The following SOX5 variants were observed in gnomAD, a reference collection of about 807,000 sequenced individuals.
The protein encoded by SOX5 is SRY-box transcription factor 5, also known as transcription factor SOX-5.
In SOX5, 9 loss-of-function variants were observed where a neutral mutation model predicts 92.0. The observed-to-expected ratio is 0.10, with a 90% CI of 0.06 to 0.17. The LOEUF (loss-of-function observed/expected upper bound fraction) is 0.17, where lower values mean the gene tolerates loss of function less well. SOX5 is among the 10% of genes least tolerant of loss of function. The pLI, the probability that SOX5 is intolerant of heterozygous loss-of-function variation, is 1.00. For missense variants in SOX5, 642 were observed against 944.5 expected, an observed-to-expected ratio of 0.68 and a Z score of 4.20; for synonymous variants, 344 against 336.3, an observed-to-expected ratio of 1.02 and a Z score of -0.25.
intron 3 of SOX5, among the ~76,000 whole-genome samples, chr12:23,845,220 A>G (rs772561678): frequency 1.7e-4 from 26 of 152,204 alleles, no homozygotes; most frequent in Non-Finnish European, 2.8e-4. Context: ...TCTGATTGAA[A>G]CAGGAGGCAT....
chr12:23,669,520 G>T (rs2084393663), intron 6 of SOX5, among the ~76,000 whole-genome samples: 1 of 151,934 alleles, frequency 6.6e-6, no homozygotes, highest in South Asian at 2.1e-4. Flanking sequence ...ATTAAATTAG[G>T]GTCAGTGGAA....
At chr12:24,103,123 T>C (rs1360339859) in intron 4 of SOX5, among the ~76,000 whole-genome samples, 1 of 152,172 alleles carries the variant, frequency 6.6e-6, no homozygotes, top group East Asian at 1.9e-4. Context: ...TATTGCAAAG[T>C]TCAAATTGCA....
At chr12:24,093,594 A>G (rs1044526157) in intron 4 of SOX5, among the ~76,000 whole-genome samples, 5 of 151,758 alleles carry the variant, frequency 3.3e-5, no homozygotes, top group African/African-American at 9.7e-5. Context: ...AAGTTTCATC[A>G]TATCAAAGAA....
intron 11 of SOX5, among the ~76,000 whole-genome samples, chr12:23,561,934 G>C (rs145917855): frequency 6.6e-6 from 1 of 152,272 alleles, no homozygotes; most frequent in Non-Finnish European, 1.5e-5. Flanking sequence ...GGAATAGCTT[G>C]AGTCACTTTG....
At chr12:23,603,678 C>T (rs76875605) in intron 9 of SOX5, among the ~76,000 whole-genome samples, 15,794 of 151,558 alleles carry the variant, frequency 0.1, 900 homozygotes, top group Non-Finnish European at 0.13. Flanking sequence ...TTCTCTCCTT[C>T]TAGGCCAAGA....
intron 4 of SOX5, among the ~76,000 whole-genome samples, chr12:24,010,583 AATTGCC>A (rs1952798980): frequency 6.6e-6 from 1 of 152,164 alleles, no homozygotes; most frequent in Admixed American, 6.5e-5. Flanking sequence ...CTTATTAAAA[AATTGCC>A]ATTGCTACCA....
At chr12:23,728,947 T>TA (rs1453608103) in intron 6 of SOX5, among the ~76,000 whole-genome samples, 2 of 152,090 alleles carry the variant, frequency 1.3e-5, no homozygotes, top group African/African-American at 4.8e-5. Context: ...AAAGCCTTTC[T>TA]AAAAACCTCT....
intron 14 of SOX5, 86 bp from the exon 15 acceptor site, chr12:23,534,608 A>G: frequency 1.9e-6 from 2 of 1,068,262 alleles, no homozygotes; most frequent in Non-Finnish European, 2.7e-6. Flanking sequence ...TTTGCTCAGC[A>G]ATGTCCAATT....
At chr12:24,353,428 T>C (rs1301208605) in intron 2 of SOX5, among the ~76,000 whole-genome samples, 1 of 152,186 alleles carries the variant, frequency 6.6e-6, no homozygotes, top group African/African-American at 2.4e-5. Context: ...GCAACAGCTC[T>C]CACACTCCTC....
intron 6 of SOX5, among the ~76,000 whole-genome samples, chr12:23,695,639 T>C (rs1344832777): frequency 6.6e-6 from 1 of 152,024 alleles, no homozygotes; most frequent in Non-Finnish European, 1.5e-5. Context: ...ACAGCAACCA[T>C]GCATACACAA....
At chr12:24,050,362 C>T (rs1957450596) in intron 4 of SOX5, among the ~76,000 whole-genome samples, 1 of 152,236 alleles carries the variant, frequency 6.6e-6, no homozygotes, top group South Asian at 2.1e-4. Context: ...TCATAAGCTT[C>T]GTCAGCAAAC....
intron 1 of SOX5, among the ~76,000 whole-genome samples, chr12:24,439,839 A>G (rs1042606235): frequency 2.4e-4 from 37 of 152,080 alleles, no homozygotes; most frequent in African/African-American, 8.7e-4. Context: ...AGCTTGCAGC[A>G]AGCCAAGATT....
At position 23,538,196 on chromosome 12, in the gene SOX5, T is replaced by TA. The variant is rs1941040386; in HGVS notation, c.1772-1528dup. On this transcript the variant is annotated intron_variant, in intron 13 of 14. Coordinates refer to ENST00000451604, the MANE Select transcript of SOX5 (RefSeq NM_006940.6). ...AGCTCACTGTTGAATAGTTCTTCCT[T>TA]ACACATGTAAAGAGTTCCTCAATAT... 3.3e-5 allele frequency among the ~76,000 whole-genome samples: 5 copies of TA among 152,180 alleles called. No individual in the cohort carries two copies. In the South Asian group the frequency reaches 1.0e-3, roughly 32 times the overall value.
At chr12:23,747,961 T>TAAAA (rs35270726) in intron 4 of SOX5, among the ~76,000 whole-genome samples, 1 of 140,156 alleles carries the variant, frequency 7.1e-6, no homozygotes, top group East Asian at 2.1e-4. Context: ...TGAAAGAGAT[T>TAAAA]AAAAAAAAAA....
At chr12:23,767,548 A>G (rs190136993) in intron 3 of SOX5, among the ~76,000 whole-genome samples, 2 of 152,310 alleles carry the variant, frequency 1.3e-5, no homozygotes, top group East Asian at 3.9e-4. Flanking sequence ...AAAGGGTGGT[A>G]TGGTAGAAAA....
At position 23,533,064 on chromosome 12, in the gene SOX5, T is replaced by TCAGA. The variant is rs757417742; in HGVS notation, c.*1151_*1154dup. 1,310 of 411,554 alleles carry TCAGA rather than the reference T, an allele frequency of 3.2e-3. 7 individuals carry two copies. Among genetic ancestry groups the TCAGA allele is most frequent in the Non-Finnish European group, 5.1e-3 (1,031 of 201,246 alleles). 25.5% of individuals were successfully genotyped at this position (411,554 alleles called of 1,614,324 possible). A position where few individuals can be genotyped will look rare whatever the true frequency, so the allele number is the denominator to read the frequency against. The stretch of plus-strand genomic sequence containing the variant: ...GGCCACCTGATCCATCCAATAATAA[T>TCAGA]CAGACATTTAAAAATATAATTTCTG... On this transcript the variant is annotated 3_prime_UTR_variant, in exon 15 of 15. Transcript: ENST00000451604.
chr12:24,247,619 G>A (rs1350005400), intron 3 of SOX5, among the ~76,000 whole-genome samples: 3 of 149,866 alleles, frequency 2.0e-5, no homozygotes, highest in African/African-American at 7.4e-5. Flanking sequence ...CCAAAGCAAT[G>A]CAATGATCCC....
chr12:24,359,825 C>T (rs1955320430), intron 2 of SOX5, among the ~76,000 whole-genome samples: 1 of 151,730 alleles, frequency 6.6e-6, no homozygotes, highest in African/African-American at 2.4e-5. Context: ...TTTGAATAGC[C>T]TTGAAAACAA....
chr12:23,876,163 T>C (rs577867017), intron 2 of SOX5, among the ~76,000 whole-genome samples: 1 of 152,218 alleles, frequency 6.6e-6, no homozygotes, highest in South Asian at 2.1e-4. Flanking sequence ...AAGGCACTGA[T>C]AACTTTCTCA....
Sources: gnomAD v4.1 joint callset for allele counts (sites outside exome capture counted in the v4.1 genomes callset) on GRCh38, gnomAD v4.1.1 for gene constraint, MANE v1.5 for transcripts, NCBI Gene and HGNC (gene_info 2026-07-23, HGNC 2026-07-21) for gene names.